MLXIPL: variants seen among roughly 807,000 people sequenced by gnomAD.
MLXIPL encodes MLX interacting protein like, also known as carbohydrate-responsive element-binding protein.
Under a neutral mutation model 81.5 loss-of-function variants are expected in MLXIPL, and 49 were observed. The observed-to-expected ratio is 0.60, with a 90% CI of 0.48 to 0.76. The LOEUF is 0.76. Ranked by LOEUF, MLXIPL falls within the 30% of genes least tolerant of loss-of-function variation. The pLI is 0.00. For synonymous variants in MLXIPL, 466 were observed against 485.5 expected (o/e 0.96, Z 0.53); for missense variants, 1,053 against 1,167.0 (o/e 0.90, Z 1.42).
intron 7 of MLXIPL, 116 bp downstream of exon 7, chr7:73,605,572 G>T: frequency 1.1e-6 from 1 of 891,642 alleles, no homozygotes. Context: ...TAAAAAGACA[G>T]AAAAAAAGAA....
At chr7:73,631,941 CTTTTCTCT>C in the MLXIPL span, among the ~76,000 whole-genome samples, 112 of 107,822 alleles carry the variant, frequency 1.0e-3, no homozygotes, top group African/African-American at 3.8e-3. Flanking sequence ...CCCTCCTCTT[CTTTTCTCT>C]TTTCTTTTCT....
intron 1 of MLXIPL, among the ~76,000 whole-genome samples, chr7:73,621,479 C>T (rs1200045056): frequency 6.6e-6 from 1 of 151,940 alleles, no homozygotes; most frequent in Non-Finnish European, 1.5e-5. Flanking sequence ...TCTGAACTCT[C>T]TGCCTTACTG....
chr7:73,604,054 A>G (rs571066717), intron 7 of MLXIPL, among the ~76,000 whole-genome samples: 1 of 151,676 alleles, frequency 6.6e-6, no homozygotes, highest in South Asian at 2.1e-4. Context: ...CGTCTCTACT[A>G]AAAATACAAA....
intron 9 of MLXIPL, 118 bp downstream of exon 9, chr7:73,597,064 T>A: frequency 6.9e-7 from 1 of 1,448,180 alleles, no homozygotes; most frequent in Non-Finnish European, 9.4e-7. Flanking sequence ...TCCTTGCCAC[T>A]CTGTCCCTTG....
the MLXIPL span, among the ~76,000 whole-genome samples, chr7:73,636,246 C>T: frequency 6.6e-6 from 1 of 152,012 alleles, no homozygotes; most frequent in Non-Finnish European, 1.5e-5. Context: ...CCCATCTCTA[C>T]TAAAAACACA....
rs150292665 is a variant in MLXIPL, at chr7:73,605,764, G to A, written c.825C>T (p.Tyr275=). 9.9e-6 allele frequency: 16 copies of A among 1,612,862 alleles called. No homozygotes were observed. The highest frequency in any genetic ancestry group is 1.4e-5 in the Non-Finnish European group (16 of 1,179,710). The change falls in exon 7 of 17, where the codon TAC becomes TAT. Residue 275 remains tyrosine, a synonymous_variant. Transcript: ENST00000313375. ...GCTGGATCATGTCAGCATTGCCGAC[G>A]TAGGCTGGAGGCAGCAGTGGCGACA... is the stretch of plus-strand genomic sequence containing the variant. The part of the protein sequence containing the change: ...SPLQLPPEDA[Y]VGNADMIQPD...
At chr7:73,620,924 C>A (rs1584151915) in intron 1 of MLXIPL, among the ~76,000 whole-genome samples, 2 of 151,378 alleles carry the variant, frequency 1.3e-5, no homozygotes, top group South Asian at 4.2e-4. Context: ...GTGGCACATG[C>A]CTGTTACCTC....
chr7:73,627,912 GTC>G (rs1472809054), upstream of MLXIPL, among the ~76,000 whole-genome samples: 2 of 152,094 alleles, frequency 1.3e-5, no homozygotes, highest in African/African-American at 4.8e-5. Flanking sequence ...GGAGATCTCT[GTC>G]TCTCTGTCTT....
In MLXIPL at chr7:73,623,965, G is replaced by C. The variant is rs1796547934; in HGVS notation, c.293+235C>G. Among the ~76,000 whole-genome samples the C allele has an allele frequency of 6.6e-6, 1 of 152,118 alleles. No homozygotes were observed. The highest frequency in any genetic ancestry group is 2.1e-4 in the South Asian group (1 of 4,824). ...CTGCGCTTCGGGGAAGAGGGAATGG[G>C]GGAGGAATGGGAATCAGAAATGCGT... On this transcript the variant is annotated intron_variant, in intron 1 of 16. Transcript: ENST00000313375. The surrounding 1 kb of genome is among the most constrained non-coding windows in gnomAD (Gnocchi z 5.7).
chr7:73,599,190 A>G (rs782389083), intron 8 of MLXIPL, among the ~76,000 whole-genome samples: 2 of 151,414 alleles, frequency 1.3e-5, no homozygotes, highest in Non-Finnish European at 2.9e-5. Flanking sequence ...CTGTTCTCCC[A>G]TCTGGCTTGA....
At chr7:73,601,845 G>A (rs1794850402) in intron 7 of MLXIPL, among the ~76,000 whole-genome samples, 2 of 152,098 alleles carry the variant, frequency 1.3e-5, no homozygotes, top group Admixed American at 1.3e-4. Flanking sequence ...TGTGTCGTCA[G>A]TGGCTTTGCT....
intron 2 of MLXIPL, among the ~76,000 whole-genome samples, chr7:73,608,890 A>G (rs1795502291): frequency 6.6e-6 from 1 of 151,888 alleles, no homozygotes; most frequent in South Asian, 2.1e-4. Context: ...GCAGTGGCGC[A>G]ATCATAGCTC....
the MLXIPL span, among the ~76,000 whole-genome samples, chr7:73,633,437 T>G: frequency 6.6e-6 from 1 of 151,436 alleles, no homozygotes; most frequent in Admixed American, 6.6e-5. Context: ...CTTGACCTCC[T>G]TGGGCTCAAG....
chr7:73,635,589 A>T, the MLXIPL span, among the ~76,000 whole-genome samples: 2 of 149,776 alleles, frequency 1.3e-5, no homozygotes, highest in South Asian at 2.1e-4. Context: ...CCATCAGTCC[A>T]TCTCTTCTAT....
chr7:73,644,019 C>A, the MLXIPL span, among the ~76,000 whole-genome samples: 40 of 152,182 alleles, frequency 2.6e-4, no homozygotes, highest in African/African-American at 9.2e-4. Flanking sequence ...ATCCTTCTGC[C>A]TCAGCCTCCT....
At chr7:73,624,957 A>T (rs1796649492), upstream of MLXIPL, among the ~76,000 whole-genome samples, 1 of 152,128 alleles carries the variant, frequency 6.6e-6, no homozygotes, top group Non-Finnish European at 1.5e-5. Context: ...GCTACTGGGG[A>T]GGCTGAGGTG....
intron 1 of MLXIPL, among the ~76,000 whole-genome samples, chr7:73,620,700 C>T (rs1357256017): frequency 6.6e-6 from 1 of 151,464 alleles, no homozygotes; most frequent in Non-Finnish European, 1.5e-5. Flanking sequence ...TGAGATTGCG[C>T]CACTGCACTC....
Position 73,595,660 on chromosome 7 carries a change from G to A in MLXIPL, c.2287C>T (p.Leu763=), listed in dbSNP as rs1554593346. 1.9e-6 allele frequency: 3 copies of A among 1,614,188 alleles called. No individual in the cohort carries two copies. In the South Asian group the frequency reaches 3.3e-5, roughly 18 times the overall value. Residue 763 remains leucine, a synonymous_variant, in exon 15 of 17, where the codon CTG becomes TTG. Transcript: ENST00000313375. Reference sequence around the variant, plus strand: ...ACCACCCAGAACTTCCAGTTGTGCAGCGTACGGGTTCGGACGTAGTCATCA... The same window carrying A: ...ACCACCCAGAACTTCCAGTTGTGCAACGTACGGGTTCGGACGTAGTCATCA... ...MFDDYVRTRT[L]HNWKFWVFSI... is the part of the protein sequence containing the mutation.
the MLXIPL span, among the ~76,000 whole-genome samples, chr7:73,646,689 A>G: frequency 6.6e-6 from 1 of 152,160 alleles, no homozygotes; most frequent in Non-Finnish European, 1.5e-5. Context: ...CTCCTCTCCC[A>G]GAAGCTACCC....
Sources: allele counts gnomAD v4.1 joint callset (sites outside exome capture counted in the v4.1 genomes callset), GRCh38; gene constraint gnomAD v4.1.1; non-coding constraint Gnocchi (gnomAD v3.1); transcripts MANE v1.5; gene names NCBI Gene and HGNC (gene_info 2026-07-23, HGNC 2026-07-21).